LDLRAD3: variants seen among roughly 807,000 people sequenced by gnomAD.
The protein encoded by LDLRAD3 is low density lipoprotein receptor class A domain containing 3, also known as low-density lipoprotein receptor class A domain-containing protein 3.
Under a neutral mutation model 29.4 loss-of-function variants are expected in LDLRAD3, and 20 were observed. The observed-to-expected ratio is 0.68, with a 90% CI of 0.48 to 0.99. LDLRAD3 has a LOEUF of 0.99. Among genes scored for constraint, LDLRAD3 ranks in the 50% least tolerant of loss-of-function variants. The pLI is 0.00. For missense variants in LDLRAD3, 420 were observed against 454.3 expected, an observed-to-expected ratio of 0.92 and a Z score of 0.69; for synonymous variants, 157 against 192.7, an observed-to-expected ratio of 0.81 and a Z score of 1.53.
chr11:36,074,475 G>A (rs1852961429), intron 2 of LDLRAD3, among the ~76,000 whole-genome samples: 1 of 152,218 alleles, frequency 6.6e-6, no homozygotes. Context: ...AGGCCCTGAG[G>A]TGGGAATATG....
chr11:36,155,335 A>G (rs754958432), intron 4 of LDLRAD3, among the ~76,000 whole-genome samples: 22 of 152,114 alleles, frequency 1.4e-4, no homozygotes, highest in Non-Finnish European at 2.6e-4. Flanking sequence ...GGTCCTTTGA[A>G]GCTCTGCCTC....
At chr11:36,065,836 G>GT (rs1243273383) in intron 2 of LDLRAD3, among the ~76,000 whole-genome samples, 1 of 152,166 alleles carries the variant, frequency 6.6e-6, no homozygotes, top group East Asian at 1.9e-4. Context: ...GGGTTCTGCT[G>GT]TTTATGTGGA....
chr11:36,089,835 C>T (rs1437993970), intron 3 of LDLRAD3, among the ~76,000 whole-genome samples: 1 of 146,918 alleles, frequency 6.8e-6, no homozygotes, highest in Admixed American at 6.9e-5. Context: ...TGGTCTCAAA[C>T]TCCTAGCCCC....
At chr11:36,092,069 CTG>C (rs1194562677) in intron 3 of LDLRAD3, among the ~76,000 whole-genome samples, 1 of 152,188 alleles carries the variant, frequency 6.6e-6, no homozygotes, top group Non-Finnish European at 1.5e-5. Context: ...TGCTTAATAA[CTG>C]AATATTTATG....
intron 4 of LDLRAD3, among the ~76,000 whole-genome samples, chr11:36,117,250 A>G (rs1853689296): frequency 6.6e-6 from 1 of 152,178 alleles, no homozygotes; most frequent in Non-Finnish European, 1.5e-5. Context: ...CATTCTAGAC[A>G]ATCACACTTT....
At chr11:36,191,214 G>C (rs1169387594) in intron 4 of LDLRAD3, among the ~76,000 whole-genome samples, 1 of 152,178 alleles carries the variant, frequency 6.6e-6, no homozygotes, top group South Asian at 2.1e-4. Flanking sequence ...GGATCCGAAG[G>C]TGTGGGGAGA....
chr11:36,144,740 C>T (rs1590305218), intron 4 of LDLRAD3, among the ~76,000 whole-genome samples: 1 of 140,904 alleles, frequency 7.1e-6, no homozygotes, highest in Admixed American at 6.9e-5. Flanking sequence ...CGGCAGCCAC[C>T]CCGTCCGGGA....
At chr11:36,045,368 A>G (rs1214519598) in intron 2 of LDLRAD3, among the ~76,000 whole-genome samples, 1 of 152,200 alleles carries the variant, frequency 6.6e-6, no homozygotes, top group Non-Finnish European at 1.5e-5. Flanking sequence ...GGCTGCTGTA[A>G]CAACATACCA....
chr11:36,070,245 G>T (rs952228882), intron 2 of LDLRAD3, among the ~76,000 whole-genome samples: 14 of 152,210 alleles, frequency 9.2e-5, no homozygotes, highest in African/African-American at 3.4e-4. Flanking sequence ...CCTATTTTCT[G>T]TTGGGCACAG....
intron 4 of LDLRAD3, among the ~76,000 whole-genome samples, chr11:36,207,506 C>G (rs1238122229): frequency 6.6e-6 from 1 of 152,004 alleles, no homozygotes; most frequent in Non-Finnish European, 1.5e-5. Flanking sequence ...TTAAAATTAG[C>G]CGGCATGGTG....
In LDLRAD3 at chr11:36,192,437, A is replaced by T. The variant is rs1031127540; in HGVS notation, c.455-34648A>T. 4.3e-4 allele frequency among the ~76,000 whole-genome samples: 66 copies of T among 152,172 alleles called. 2 individuals carry two copies. The highest frequency in any genetic ancestry group is 1.6e-4 in the Non-Finnish European group (11 of 68,034). On this transcript the variant is annotated intron_variant, in intron 4 of 5. Coordinates refer to ENST00000315571, the MANE Select transcript of LDLRAD3 (RefSeq NM_174902.4). ...TTTTTTCTCTGCAGGTAACTGCAGGATGAGTGGTTTTTTGAAAAACCCAAT... is the reference window on the plus strand; with the variant it reads ...TTTTTTCTCTGCAGGTAACTGCAGGTTGAGTGGTTTTTTGAAAAACCCAAT...
chr11:36,090,382 G>C (rs758894830), intron 3 of LDLRAD3, among the ~76,000 whole-genome samples: 2 of 152,142 alleles, frequency 1.3e-5, no homozygotes, highest in Non-Finnish European at 2.9e-5. Flanking sequence ...GAGAATGTCA[G>C]TTTCAGACAT....
rs1280554640 is a variant in LDLRAD3, at chr11:36,230,950, GT to G, written c.*1558del. 6.6e-6 allele frequency: 1 copy of G among 152,352 alleles called. No homozygotes were observed. The highest frequency in any genetic ancestry group is 1.5e-5 in the Non-Finnish European group (1 of 68,040). The allele number at this position is 152,352 out of a possible 1,614,324, so 9.4% of individuals were successfully genotyped here. ...GTGTATAGTCTCTATGTTTGTGCTA[GT>G]TTTTCTTTTTTTTCTCTGTGTCCAG... On this transcript the variant is annotated 3_prime_UTR_variant, in exon 6 of 6. Transcript: ENST00000315571.
chr11:36,132,702 G>A (rs949620558), intron 4 of LDLRAD3, among the ~76,000 whole-genome samples: 4 of 152,206 alleles, frequency 2.6e-5, no homozygotes, highest in African/African-American at 4.8e-5. Context: ...ACTTTTGAGC[G>A]CCTTACAGTC....
chr11:36,129,174 G>A (rs900219144), intron 4 of LDLRAD3, among the ~76,000 whole-genome samples: 3 of 150,788 alleles, frequency 2.0e-5, no homozygotes, highest in Non-Finnish European at 4.4e-5. Flanking sequence ...TGTGTGGGAA[G>A]GTTAATTTAG....
intron 2 of LDLRAD3, among the ~76,000 whole-genome samples, chr11:36,078,861 C>T (rs1200896963): frequency 8.5e-5 from 13 of 152,202 alleles, no homozygotes; most frequent in Admixed American, 5.2e-4. Flanking sequence ...GCAGGTGGTA[C>T]GGCAGCCCCA....
chr11:36,146,413 A>G (rs1218940437), intron 4 of LDLRAD3, among the ~76,000 whole-genome samples: 1 of 152,210 alleles, frequency 6.6e-6, no homozygotes, highest in Non-Finnish European at 1.5e-5. Context: ...TTCATACCAT[A>G]TAATTGAGAT....
intron 4 of LDLRAD3, among the ~76,000 whole-genome samples, chr11:36,155,973 T>A (rs888772028): frequency 1.3e-5 from 2 of 152,188 alleles, no homozygotes; most frequent in African/African-American, 4.8e-5. Flanking sequence ...TGGGAAATTA[T>A]GTTCTTAGAT....
intron 2 of LDLRAD3, among the ~76,000 whole-genome samples, chr11:36,039,223 C>G (rs1852349412): frequency 6.6e-6 from 1 of 152,148 alleles, no homozygotes; most frequent in African/African-American, 2.4e-5. Flanking sequence ...CCCGCCTCGG[C>G]CTCCCAAAGT....
Sources: allele counts gnomAD v4.1 joint callset (sites outside exome capture counted in the v4.1 genomes callset), GRCh38; gene constraint gnomAD v4.1.1; transcripts MANE v1.5; gene names NCBI Gene and HGNC (gene_info 2026-07-23, HGNC 2026-07-21).